Variants in LGR4 observed in about 807,000 individuals in gnomAD.
LGR4 encodes the protein leucine-rich repeat-containing G protein-coupled receptor 4.
In LGR4, 44 loss-of-function variants were observed where a neutral mutation model predicts 84.8. The observed-to-expected ratio is 0.52, with a 90% CI of 0.41 to 0.67. The LOEUF (loss-of-function observed/expected upper bound fraction) is 0.67. Among genes scored for constraint, LGR4 ranks in the 30% least tolerant of loss-of-function variants. The pLI is 0.00. For missense variants in LGR4, 1,032 were observed against 1,131.4 expected, an observed-to-expected ratio of 0.91 and a Z score of 1.26; for synonymous variants, 429 against 434.3, an observed-to-expected ratio of 0.99 and a Z score of 0.15.
intron 1 of LGR4, among the ~76,000 whole-genome samples, chr11:27,429,645 G>C (rs1228975262): frequency 6.6e-6 from 1 of 152,114 alleles, no homozygotes; most frequent in South Asian, 2.1e-4. Context: ...TTGGTAATTA[G>C]ATCATTTGTC....
At chr11:27,407,835 A>G (rs1590369167) in intron 2 of LGR4, among the ~76,000 whole-genome samples, 1 of 152,212 alleles carries the variant, frequency 6.6e-6, no homozygotes, top group Non-Finnish European at 1.5e-5. Context: ...ACACACTGCA[A>G]TATTTAAAGA....
chr11:27,402,250 G>C (rs1296637708), intron 2 of LGR4, among the ~76,000 whole-genome samples: 1 of 152,166 alleles, frequency 6.6e-6, no homozygotes, highest in Non-Finnish European at 1.5e-5. Flanking sequence ...AATGAAGTGA[G>C]AGGAAGTTTA....
chr11:27,376,704 G>A (rs573874958), intron 12 of LGR4, among the ~76,000 whole-genome samples: 1 of 152,240 alleles, frequency 6.6e-6, no homozygotes, highest in South Asian at 2.1e-4. Flanking sequence ...ATGATGCAGG[G>A]AGAAAAGGAA....
At chr11:27,380,592 A>T in intron 9 of LGR4, 48 bp downstream of exon 9, 2 of 1,274,540 alleles carry the variant, frequency 1.6e-6, no homozygotes, top group African/African-American at 3.0e-5. Context: ...TTTTCCACTA[A>T]AACAACTGTA....
intron 1 of LGR4, among the ~76,000 whole-genome samples, chr11:27,467,581 A>AC (rs200492890): frequency 0.53 from 78,926 of 148,562 alleles, 25,105 homozygotes; most frequent in Non-Finnish European, 0.73. Flanking sequence ...AAAAAAAAAA[A>AC]ATCAAATTAA....
chr11:27,463,867 A>T (rs1176539556), intron 1 of LGR4, among the ~76,000 whole-genome samples: 1 of 152,208 alleles, frequency 6.6e-6, no homozygotes, highest in East Asian at 1.9e-4. Flanking sequence ...CTTCTTATGA[A>T]CTCTGATTAA....
chr11:27,438,848 G>T (rs927765530), intron 1 of LGR4, among the ~76,000 whole-genome samples: 2 of 152,038 alleles, frequency 1.3e-5, no homozygotes, highest in Non-Finnish European at 2.9e-5. Flanking sequence ...CAGCTCTCCC[G>T]GGTCCCAGGC....
Position 27,470,170 on chromosome 11 carries a change from CTAAT to C in LGR4, c.185+1944_185+1947del, listed in dbSNP as rs113285688. On this transcript the variant is annotated intron_variant, in intron 1 of 17. Coordinates refer to ENST00000379214, the MANE Select transcript of LGR4 (RefSeq NM_018490.5). ...CTAAGATAATGCTAGTTTAGGCACT[CTAAT>C]TGAGACTGGTACCAATTATTTTTCT... Among the ~76,000 whole-genome samples the C allele has an allele frequency of 1.1e-3, 169 of 152,316 alleles. 1 individual carries two copies. Among genetic ancestry groups the C allele is most frequent in the African/African-American group, 2.7e-3 (111 of 41,578 alleles).
At chr11:27,424,507 C>A (rs79601755) in intron 1 of LGR4, among the ~76,000 whole-genome samples, 34,999 of 151,988 alleles carry the variant, frequency 0.23, 7,238 homozygotes, top group African/African-American at 0.56. Context: ...CTTACTAATT[C>A]TCCCAGGCCC....
rs1175033276 is a variant in LGR4 at position 27,367,546 on chromosome 11, C to G, written c.*321G>C. 1.1e-5 allele frequency: 2 copies of G among 190,094 alleles called. No individual in the cohort carries two copies. Among genetic ancestry groups the G allele is most frequent in the Non-Finnish European group, 2.1e-5 (2 of 93,024 alleles). The allele number at this position is 190,094 out of a possible 1,614,324, so 11.8% of individuals were successfully genotyped here. ...TGTTCTTTATCTTGTGCTTAATACA[C>G]AAATAGGTATAAATTTGCTTCTTAT... On this transcript the variant is annotated 3_prime_UTR_variant, in exon 18 of 18. Coordinates refer to ENST00000379214, the MANE Select transcript of LGR4 (RefSeq NM_018490.5).
At chr11:27,412,913 G>T in intron 1 of LGR4, 53 bp from the exon 2 acceptor site, 1 of 1,218,494 alleles carries the variant, frequency 8.2e-7, no homozygotes, top group Non-Finnish European at 1.2e-6. Flanking sequence ...GAAGCTTAAA[G>T]TATTTAATCC....
chr11:27,411,662 G>A (rs1023060249), intron 2 of LGR4, among the ~76,000 whole-genome samples: 1 of 152,084 alleles, frequency 6.6e-6, no homozygotes, highest in Non-Finnish European at 1.5e-5. Context: ...AGAATAATTT[G>A]ACCTAGCTCA....
chr11:27,472,109 C>T lies in LGR4; in HGVS notation c.185+9G>A, dbSNP rs754571728. On this transcript the variant is annotated intron_variant, in intron 1 of 17. Coordinates refer to ENST00000379214, the MANE Select transcript of LGR4 (RefSeq NM_018490.5). ...CCCCCCCCCTCGCGTCCCCGCCGCC[C>T]GCACTCACAGCGCTTGGGTGAAGGC... 1.3e-5 allele frequency: 17 copies of T among 1,312,490 alleles called. 1 individual carries two copies. In the African/African-American group the frequency reaches 1.9e-4, roughly 14 times the overall value. The allele number at this position is 1,312,490 out of a possible 1,614,324, so 81.3% of individuals were successfully genotyped here. A position where few individuals can be genotyped will look rare whatever the true frequency, so the allele number is the denominator to read the frequency against.
chr11:27,451,087 T>C (rs1272711320), intron 1 of LGR4, among the ~76,000 whole-genome samples: 1 of 152,202 alleles, frequency 6.6e-6, no homozygotes, highest in Non-Finnish European at 1.5e-5. Context: ...TATTCACAAC[T>C]AAATGAACGG....
At chr11:27,396,193 T>C (rs1222400218) in intron 2 of LGR4, among the ~76,000 whole-genome samples, 1 of 152,198 alleles carries the variant, frequency 6.6e-6, no homozygotes, top group South Asian at 2.1e-4. Flanking sequence ...CACTTCTACC[T>C]GTATTGTGAT....
intron 1 of LGR4, among the ~76,000 whole-genome samples, chr11:27,433,768 C>T (rs1864158591): frequency 6.6e-6 from 1 of 152,196 alleles, no homozygotes; most frequent in Non-Finnish European, 1.5e-5. Flanking sequence ...ACAACACAGA[C>T]GCAGCACAGT....
chr11:27,400,318 C>T (rs533142838), intron 2 of LGR4, among the ~76,000 whole-genome samples: 17 of 152,216 alleles, frequency 1.1e-4, no homozygotes, highest in African/African-American at 3.6e-4. Context: ...GCAAGCTTAT[C>T]GCCCCCTACT....
chr11:27,413,879 G>A (rs1480990348), intron 1 of LGR4, among the ~76,000 whole-genome samples: 1 of 152,014 alleles, frequency 6.6e-6, no homozygotes, highest in Admixed American at 6.6e-5. Context: ...TAAAGGAGGC[G>A]ACACCTTCAG....
intron 2 of LGR4, among the ~76,000 whole-genome samples, chr11:27,402,187 G>A (rs1291626383): frequency 6.6e-6 from 1 of 152,098 alleles, no homozygotes; most frequent in Non-Finnish European, 1.5e-5. Flanking sequence ...CCTTCCTGCT[G>A]GTCCCATTCC....
Sources: allele counts gnomAD v4.1 joint callset (sites outside exome capture counted in the v4.1 genomes callset), GRCh38; gene constraint gnomAD v4.1.1; transcripts MANE v1.5; gene names NCBI Gene and HGNC (gene_info 2026-07-23, HGNC 2026-07-21).